COX11: variants seen among roughly 807,000 people sequenced by gnomAD.
COX11 encodes cytochrome c oxidase assembly protein COX11, mitochondrial.
In COX11, 18 loss-of-function variants were observed where a neutral mutation model predicts 29.4. The ratio of observed to expected loss-of-function variants is 0.61; its 90% CI spans 0.42 to 0.91. The LOEUF (loss-of-function observed/expected upper bound fraction) is 0.91, where lower values mean the gene tolerates loss of function less well. Ranked by LOEUF, COX11 falls within the 40% of genes least tolerant of loss-of-function variation. COX11 has a pLI of 0.00. For missense variants in COX11, 312 were observed against 346.0 expected, an observed-to-expected ratio of 0.90 and a Z score of 0.78; for synonymous variants, 131 against 124.0, an observed-to-expected ratio of 1.06 and a Z score of -0.38.
At chr17:54,967,256 A>C (rs1456865045) in intron 1 of COX11, among the ~76,000 whole-genome samples, 1 of 152,172 alleles carries the variant, frequency 6.6e-6, no homozygotes, top group Non-Finnish European at 1.5e-5. Flanking sequence ...GGTGATTCCC[A>C]ATGTTGCTGT....
exon 1 of COX11, chr17:54,953,615 G>T (rs897466237): frequency 3.3e-5 from 5 of 152,288 alleles, no homozygotes; most frequent in African/African-American, 9.6e-5. Context: ...TTGGGCCCCA[G>T]TGTAGGCAGG....
At chr17:54,964,602 CAT>C (rs1220204012) in intron 2 of COX11, 93 bp downstream of exon 2, 1 of 1,135,558 alleles carries the variant, frequency 8.8e-7, no homozygotes, top group Non-Finnish European at 1.3e-6. Flanking sequence ...TTATTAGAAT[CAT>C]AGTGTTAAAA....
At position 54,961,555 on chromosome 17, in the gene COX11, G is replaced by A. The variant is rs764735419; in HGVS notation, c.*1178C>T. 2.9e-6 allele frequency: 4 copies of A among 1,359,914 alleles called. No homozygotes were observed. The highest frequency in any genetic ancestry group is 3.8e-6 in the Non-Finnish European group (4 of 1,057,660). 84.2% of individuals were successfully genotyped at this position (1,359,914 alleles called of 1,614,324 possible). On this transcript the variant is annotated 3_prime_UTR_variant, in exon 4 of 4. Coordinates refer to ENST00000299335, the MANE Select transcript of COX11 (RefSeq NM_004375.5). The stretch of plus-strand genomic sequence containing the variant: ...ACAGGCCTTCCTACATTTAGAAATC[G>A]TCACACAGCTGTGATAAGAGTAGAT...
In COX11 at chr17:54,962,683, T is replaced by C; in HGVS notation, c.*50A>G. The C allele has an allele frequency of 6.3e-7, 1 of 1,589,698 alleles. No homozygotes were observed. The highest frequency in any genetic ancestry group is 8.6e-7 in the Non-Finnish European group (1 of 1,169,380). On this transcript the variant is annotated 3_prime_UTR_variant, in exon 4 of 4. Transcript: ENST00000299335. ...ATTTCTCCTTTGAGAAGATAGGATA[T>C]ATGATTTTCCCAAAAATCACAACTT...
Position 54,961,695 on chromosome 17 carries a change from C to A in COX11, c.*1038G>T. 1 of 1,044,608 alleles carries A rather than the reference C, an allele frequency of 9.6e-7. No homozygotes were observed. The highest frequency in any genetic ancestry group is 1.2e-6 in the Non-Finnish European group (1 of 867,308). 64.7% of individuals were successfully genotyped at this position (1,044,608 alleles called of 1,614,324 possible). On this transcript the variant is annotated 3_prime_UTR_variant, in exon 4 of 4. Coordinates refer to ENST00000299335, the MANE Select transcript of COX11 (RefSeq NM_004375.5). The stretch of plus-strand genomic sequence containing the variant: ...TTTAACTAAAGTTGAATGTAAAAGT[C>A]AATTTGCACTTCTTTATAATCCTCT...
Position 54,960,637 on chromosome 17 carries a change from T to C in COX11, c.*2096A>G. The C allele has an allele frequency of 1.3e-6, 2 of 1,584,262 alleles. No individual in the cohort carries two copies. Among genetic ancestry groups the C allele is most frequent in the Non-Finnish European group, 1.7e-6 (2 of 1,153,772 alleles). On this transcript the variant is annotated 3_prime_UTR_variant, in exon 4 of 4. Transcript: ENST00000299335. ...AATGATGGTGACTGAGGTAAAGACT[T>C]CAACTTATACAACTTAATTCCATAT...
At chr17:54,967,816 G>C (rs898695944) in intron 1 of COX11, among the ~76,000 whole-genome samples, 3 of 152,086 alleles carry the variant, frequency 2.0e-5, no homozygotes, top group African/African-American at 7.2e-5. Flanking sequence ...CTCTTTGTAC[G>C]GAGGAACTGC....
At chr17:54,967,042 G>GCGCGCACACA (rs1310473186) in intron 1 of COX11, among the ~76,000 whole-genome samples, 132 of 96,110 alleles carry the variant, frequency 1.4e-3, no homozygotes, top group Middle Eastern at 9.4e-3. Flanking sequence ...GCGCGCGCGC[G>GCGCGCACACA]CACACACACA....
chr17:54,955,507 A>G (rs1185871743), downstream of COX11, among the ~76,000 whole-genome samples: 3 of 152,130 alleles, frequency 2.0e-5, no homozygotes, highest in African/African-American at 4.8e-5. Context: ...ACAAAGCCTG[A>G]TATTTTAGGG....
At position 54,962,799 on chromosome 17, in the gene COX11, GA is replaced by G; in HGVS notation, c.764del (p.Ile255ThrfsTer27). On this transcript the variant is annotated frameshift_variant, in exon 4 of 4. Transcript: ENST00000299335. LOFTEE classifies it high-confidence loss of function. Reference protein sequence around the residue: ...EDPRMIKVDLITLSYTFFEAK... With the variant: ...EDPRMIKVDLXTLSYTFFEAK... ...CTTCAAAAAAAGTGTAAGAAAGAGTGATAAGATCAACTTTAATCATTCTTGG... is the reference window on the plus strand; with the variant it reads ...CTTCAAAAAAAGTGTAAGAAAGAGTGTAAGATCAACTTTAATCATTCTTGG... 1 of 1,613,060 alleles carries G rather than the reference GA, an allele frequency of 6.2e-7. No individual in the cohort carries two copies. Among genetic ancestry groups the G allele is most frequent in the South Asian group, 1.1e-5 (1 of 91,006 alleles).
upstream of COX11, chr17:54,955,252 G>C (rs528261103): frequency 6.6e-6 from 1 of 152,210 alleles, no homozygotes; most frequent in African/African-American, 2.4e-5. Flanking sequence ...TGTTCGGTCC[G>C]GGCAGCCTCC....
rs1598099489 is a variant in COX11 at position 54,960,764 on chromosome 17, A to G, written c.*1969T>C. 2 of 664,636 alleles carry G rather than the reference A, an allele frequency of 3.0e-6. No individual in the cohort carries two copies. The allele number at this position is 664,636 out of a possible 1,614,324, so 41.2% of individuals were successfully genotyped here. On this transcript the variant is annotated 3_prime_UTR_variant, in exon 4 of 4. Coordinates refer to ENST00000299335, the MANE Select transcript of COX11 (RefSeq NM_004375.5). ...TTTGAAATATGAGTTCCCCTGAATCATTCAAATTGTGCTGAACCATTGTTC... is the reference window on the plus strand; with the variant it reads ...TTTGAAATATGAGTTCCCCTGAATCGTTCAAATTGTGCTGAACCATTGTTC...
downstream of COX11, chr17:54,959,357 A>G (rs1377533955): frequency 6.6e-6 from 1 of 152,202 alleles, no homozygotes; most frequent in African/African-American, 2.4e-5. Flanking sequence ...TTATGCCTCT[A>G]ATCCCAACAT....
chr17:54,954,913 C>G (rs1369475320), exon 1 of COX11: 3 of 152,198 alleles, frequency 2.0e-5, no homozygotes, highest in Non-Finnish European at 4.4e-5. Context: ...GTAAGTGACC[C>G]ATATTCAGAC....
At chr17:54,963,460 T>A in intron 2 of COX11, 29 bp from the exon 3 acceptor site, 1 of 1,580,130 alleles carries the variant, frequency 6.3e-7, no homozygotes, top group Non-Finnish European at 8.6e-7. Flanking sequence ...ATATTATCAA[T>A]ACTTTGAATC....
At chr17:54,964,993 T>C (rs1598109994) in intron 1 of COX11, 141 bp from the exon 2 acceptor site, 4 of 755,906 alleles carry the variant, frequency 5.3e-6, no homozygotes, top group Non-Finnish European at 6.3e-6. Context: ...TTGCTGTAAC[T>C]GTGTCAAGAA....
Position 54,961,677 on chromosome 17 carries a change from A to G in COX11, c.*1056T>C, listed in dbSNP as rs575437449. The G allele has an allele frequency of 9.5e-6, 10 of 1,053,436 alleles. No homozygotes were observed. The South Asian group carries it at 3.5e-4, about 37-fold the overall frequency. The allele number at this position is 1,053,436 out of a possible 1,614,324, so 65.3% of individuals were successfully genotyped here. Reference sequence around the variant, plus strand: ...GAATACTGAGTGCCTTCATTTAACTAAAGTTGAATGTAAAAGTCAATTTGC... The same window carrying G: ...GAATACTGAGTGCCTTCATTTAACTGAAGTTGAATGTAAAAGTCAATTTGC... On this transcript the variant is annotated 3_prime_UTR_variant, in exon 4 of 4. Coordinates refer to ENST00000299335, the MANE Select transcript of COX11 (RefSeq NM_004375.5).
chr17:54,953,398 CCTT>C (rs2049334253), exon 1 of COX11: 1 of 152,306 alleles, frequency 6.6e-6, no homozygotes, highest in Admixed American at 6.5e-5. Context: ...TGGTTGCCCC[CCTT>C]CTTCTGTGTA....
chr17:54,956,952 T>C (rs1407452960), downstream of COX11: 2 of 152,218 alleles, frequency 1.3e-5, no homozygotes, highest in Non-Finnish European at 2.9e-5. Flanking sequence ...AATGAAGCTA[T>C]AGCATCTCCC....
Sources: gnomAD v4.1 joint callset for allele counts (sites outside exome capture counted in the v4.1 genomes callset) on GRCh38, gnomAD v4.1.1 for gene constraint, MANE v1.5 for transcripts, NCBI Gene and HGNC (gene_info 2026-07-23, HGNC 2026-07-21) for gene names.